ADAM18: variants seen among roughly 807,000 people sequenced by gnomAD.
ADAM18 encodes disintegrin and metalloproteinase domain-containing protein 18.
Under a neutral mutation model 94.4 loss-of-function variants are expected in ADAM18, and 117 were observed. The ratio of observed to expected loss-of-function variants is 1.24; its 90% CI spans 1.07 to 1.45. ADAM18 has a LOEUF of 1.45. ADAM18 is among the 40% of genes most tolerant of loss of function. ADAM18 has a pLI of 0.00. For synonymous variants in ADAM18, 327 were observed against 291.6 expected, an observed-to-expected ratio of 1.12 and a Z score of -1.24; for missense variants, 936 against 880.0, an observed-to-expected ratio of 1.06 and a Z score of -0.81.
intron 17 of ADAM18, among the ~76,000 whole-genome samples, chr8:39,697,088 G>A (rs1386113606): frequency 6.6e-6 from 1 of 151,422 alleles, no homozygotes; most frequent in Non-Finnish European, 1.5e-5. Flanking sequence ...TTGGTTTTAA[G>A]TTTGTTCTTA....
chr8:39,706,652 T>G (rs1009476790), intron 17 of ADAM18, 138 bp from the exon 18 acceptor site: 72 of 445,610 alleles, frequency 1.6e-4, no homozygotes, highest in Non-Finnish European at 1.3e-4. Flanking sequence ...AACCTATTTC[T>G]CACATTATAT....
intron 3 of ADAM18, among the ~76,000 whole-genome samples, chr8:39,606,773 C>T (rs551688786): frequency 3.3e-5 from 5 of 151,942 alleles, no homozygotes; most frequent in South Asian, 4.2e-4. Flanking sequence ...GGGCTGAGTC[C>T]GAACAGAGAG....
At chr8:39,677,327 A>G in intron 14 of ADAM18, 104 bp from the exon 15 acceptor site, 1 of 890,764 alleles carries the variant, frequency 1.1e-6, no homozygotes. Context: ...AGCATGATCA[A>G]CAAGTACATG....
intron 5 of ADAM18, 115 bp downstream of exon 5, chr8:39,609,676 G>T: frequency 4.5e-6 from 3 of 673,908 alleles, no homozygotes; most frequent in Non-Finnish European, 7.3e-6. Context: ...AAAATGGAAA[G>T]TTTTCTTTCT....
At chr8:39,727,783 C>G (rs529186546) in intron 19 of ADAM18, among the ~76,000 whole-genome samples, 3 of 152,318 alleles carry the variant, frequency 2.0e-5, no homozygotes, top group East Asian at 1.9e-4. Flanking sequence ...AACCCATTAC[C>G]CAGTTCCAAA....
intron 17 of ADAM18, among the ~76,000 whole-genome samples, chr8:39,696,170 T>C (rs1821922237): frequency 6.6e-6 from 1 of 151,530 alleles, no homozygotes; most frequent in Non-Finnish European, 1.5e-5. Context: ...TTATTTCCCT[T>C]ATTGGCAATC....
At chr8:39,631,116 C>A (rs1489085275) in intron 7 of ADAM18, among the ~76,000 whole-genome samples, 1 of 151,842 alleles carries the variant, frequency 6.6e-6, no homozygotes, top group African/African-American at 2.4e-5. Flanking sequence ...AGGACTTTTT[C>A]AGATAGCTGT....
At chr8:39,701,154 T>TTGTAA (rs1174024228) in intron 17 of ADAM18, among the ~76,000 whole-genome samples, 1 of 121,298 alleles carries the variant, frequency 8.2e-6, no homozygotes, top group African/African-American at 2.9e-5. Flanking sequence ...AAAAAATTTA[T>TTGTAA]TGTAATGTAA....
At chr8:39,619,568 A>G (rs1180459065) in intron 6 of ADAM18, among the ~76,000 whole-genome samples, 1 of 130,742 alleles carries the variant, frequency 7.6e-6, no homozygotes, top group African/African-American at 2.5e-5. Flanking sequence ...GCTCCACATA[A>G]AAAAACAGTA....
At chr8:39,668,346 AGTATCTGAG>A in intron 14 of ADAM18, 150 bp downstream of exon 14, 1 of 739,912 alleles carries the variant, frequency 1.4e-6, no homozygotes. Context: ...GTTTTTTAAG[AGTATCTGAG>A]GTTTTCCAAG....
At chr8:39,659,562 C>A (rs569374175) in intron 12 of ADAM18, among the ~76,000 whole-genome samples, 1 of 151,908 alleles carries the variant, frequency 6.6e-6, no homozygotes, top group South Asian at 2.1e-4. Context: ...AAACAAAATA[C>A]GTGGAATATG....
At chr8:39,622,005 C>T (rs907785965) in intron 6 of ADAM18, among the ~76,000 whole-genome samples, 1 of 152,100 alleles carries the variant, frequency 6.6e-6, no homozygotes, top group East Asian at 1.9e-4. Flanking sequence ...ATGGGATGAT[C>T]TGAGCAGCAA....
chr8:39,646,567 G>T (rs1009882493), intron 11 of ADAM18, among the ~76,000 whole-genome samples: 10 of 152,130 alleles, frequency 6.6e-5, no homozygotes, highest in Non-Finnish European at 1.5e-4. Flanking sequence ...GTGAGAGAAA[G>T]AACAGAGTCC....
At chr8:39,640,252 C>T (rs185306184) in intron 10 of ADAM18, among the ~76,000 whole-genome samples, 7 of 152,176 alleles carry the variant, frequency 4.6e-5, no homozygotes, top group Admixed American at 3.3e-4. Context: ...CATCATTCAG[C>T]TCCCACTTAT....
intron 18 of ADAM18, among the ~76,000 whole-genome samples, chr8:39,712,467 A>G (rs1253063772): frequency 6.6e-6 from 1 of 152,202 alleles, no homozygotes; most frequent in Non-Finnish European, 1.5e-5. Flanking sequence ...ATAAAGAAAT[A>G]AAGGGTATTC....
At chr8:39,639,003 T>C (rs915684235) in intron 10 of ADAM18, among the ~76,000 whole-genome samples, 4 of 151,946 alleles carry the variant, frequency 2.6e-5, no homozygotes, top group Non-Finnish European at 5.9e-5. Flanking sequence ...TTGATAAAAC[T>C]GTTTCCTGCA....
At chr8:39,689,888 A>T (rs1404005621) in intron 16 of ADAM18, among the ~76,000 whole-genome samples, 2 of 152,030 alleles carry the variant, frequency 1.3e-5, no homozygotes, top group Non-Finnish European at 1.5e-5. Context: ...AGCGTTTTGT[A>T]GCTCTCCTTG....
At chr8:39,701,824 C>A (rs1158447517) in intron 17 of ADAM18, among the ~76,000 whole-genome samples, 1 of 152,112 alleles carries the variant, frequency 6.6e-6, no homozygotes, top group Non-Finnish European at 1.5e-5. Context: ...TGATCTCATA[C>A]TTTTTATGGG....
chr8:39,598,850 C>T (rs1818819324), intron 2 of ADAM18, among the ~76,000 whole-genome samples: 1 of 151,798 alleles, frequency 6.6e-6, no homozygotes, highest in African/African-American at 2.4e-5. Flanking sequence ...CTTGCTTTCT[C>T]ACCCAGGCTG....
Sources: allele counts gnomAD v4.1 joint callset (sites outside exome capture counted in the v4.1 genomes callset), GRCh38; gene constraint gnomAD v4.1.1; transcripts MANE v1.5; gene names NCBI Gene and HGNC (gene_info 2026-07-23, HGNC 2026-07-21).